Variants in SLIT1 observed in about 807,000 individuals in gnomAD.
SLIT1 encodes slit guidance ligand 1.
In SLIT1, 66 loss-of-function variants were observed where a neutral mutation model predicts 186.1. That is an observed-to-expected ratio of 0.35 (90% confidence interval 0.29 to 0.44). The LOEUF is 0.44. Ranked by LOEUF, SLIT1 falls within the 20% of genes least tolerant of loss-of-function variation. The pLI is 1.00. For synonymous variants in SLIT1, 761 were observed against 833.8 expected, an observed-to-expected ratio of 0.91 and a Z score of 1.50; for missense variants, 1,638 against 2,037.4, an observed-to-expected ratio of 0.80 and a Z score of 3.77.
intron 22 of SLIT1, among the ~76,000 whole-genome samples, chr10:97,037,347 C>T (rs1028484071): frequency 1.3e-5 from 2 of 151,868 alleles, no homozygotes; most frequent in Admixed American, 1.3e-4. Flanking sequence ...GTTATCCGTC[C>T]GCCTCAGCCT....
At chr10:97,065,906 A>G (rs2134641557) in intron 5 of SLIT1, 109 bp downstream of exon 5, 1 of 788,028 alleles carries the variant, frequency 1.3e-6, no homozygotes, top group Non-Finnish European at 2.2e-6. Flanking sequence ...AGCCCAGGTC[A>G]GCTCCCTGGC....
At chr10:97,111,458 T>C (rs1849463823) in intron 4 of SLIT1, among the ~76,000 whole-genome samples, 1 of 152,138 alleles carries the variant, frequency 6.6e-6, no homozygotes, top group Non-Finnish European at 1.5e-5. Flanking sequence ...ACTAAAGCTC[T>C]GATAGGTGAA....
Position 97,185,845 on chromosome 10 carries a change from C to T in SLIT1, c.-171G>A. 1 of 559,288 alleles carries T rather than the reference C, an allele frequency of 1.8e-6. No individual in the cohort carries two copies. Among genetic ancestry groups the T allele is most frequent in the East Asian group, 3.5e-5 (1 of 28,218 alleles). The allele number at this position is 559,288 out of a possible 1,614,324, so 34.6% of individuals were successfully genotyped here. A position where few individuals can be genotyped will look rare whatever the true frequency, so the allele number is the denominator to read the frequency against. ...ACCTTGCTCCTCCAAGCGACGGCGC[C>T]TGTGCGCGGACGGAGGGAGGGCGCC... On this transcript the variant is annotated 5_prime_UTR_variant, in exon 1 of 37. Transcript: ENST00000266058.
chr10:97,124,967 C>T (rs1370881279), intron 4 of SLIT1, among the ~76,000 whole-genome samples: 1 of 152,122 alleles, frequency 6.6e-6, no homozygotes, highest in Non-Finnish European at 1.5e-5. Context: ...GCCTTAAAAG[C>T]ATTAAAATGG....
At chr10:97,157,771 G>A (rs1415198066) in intron 4 of SLIT1, 47 bp downstream of exon 4, 1 of 1,450,422 alleles carries the variant, frequency 6.9e-7, no homozygotes, top group Non-Finnish European at 9.7e-7. Flanking sequence ...CACAGGGTGA[G>A]AGACAAAACC....
intron 4 of SLIT1, among the ~76,000 whole-genome samples, chr10:97,156,902 G>A (rs568147939): frequency 3.3e-5 from 5 of 152,252 alleles, no homozygotes; most frequent in Admixed American, 1.3e-4. Flanking sequence ...AGGCCCTGCC[G>A]GTGGCTCTTA....
At chr10:97,038,726 C>A (rs1404266321) in intron 21 of SLIT1, among the ~76,000 whole-genome samples, 1 of 152,120 alleles carries the variant, frequency 6.6e-6, no homozygotes, top group Non-Finnish European at 1.5e-5. Flanking sequence ...TCCCAAAGCC[C>A]CAGAGAGGAG....
At chr10:97,158,472 G>C (rs886790888) in intron 3 of SLIT1, among the ~76,000 whole-genome samples, 6 of 152,056 alleles carry the variant, frequency 3.9e-5, no homozygotes, top group Admixed American at 6.5e-5. Context: ...GGCCAGCCTG[G>C]CCAACATGGT....
At chr10:97,129,588 G>A (rs1206830417) in intron 4 of SLIT1, among the ~76,000 whole-genome samples, 1 of 152,176 alleles carries the variant, frequency 6.6e-6, no homozygotes, top group African/African-American at 2.4e-5. Flanking sequence ...CTGCAGAATG[G>A]CCTGAACCAG....
intron 1 of SLIT1, 83 bp downstream of exon 1, chr10:97,185,395 G>GCCCCCA (rs1850397887): frequency 7.2e-7 from 1 of 1,385,348 alleles, no homozygotes; most frequent in African/African-American, 1.5e-5. Flanking sequence ...CAATGGTCCT[G>GCCCCCA]CCCCCACCCC....
At chr10:97,135,649 G>A (rs1441714429) in intron 4 of SLIT1, among the ~76,000 whole-genome samples, 7 of 152,170 alleles carry the variant, frequency 4.6e-5, no homozygotes, top group Non-Finnish European at 1.0e-4. Flanking sequence ...CAGCTCAGGC[G>A]CTCCCCAGCC....
intron 31 of SLIT1, among the ~76,000 whole-genome samples, chr10:97,008,652 T>A (rs1479963721): frequency 1.3e-5 from 2 of 148,732 alleles, no homozygotes; most frequent in Non-Finnish European, 3.0e-5. Flanking sequence ...GCCAAGATTG[T>A]GACATTGCAC....
chr10:97,067,781 A>G (rs1340027205), intron 4 of SLIT1, among the ~76,000 whole-genome samples: 1 of 152,108 alleles, frequency 6.6e-6, no homozygotes, highest in Admixed American at 6.5e-5. Context: ...GTCCTGACAT[A>G]GGCCCCAGTG....
Position 97,140,023 on chromosome 10 carries a change from T to A in SLIT1, c.413+17795A>T, listed in dbSNP as rs1285149147. On this transcript the variant is annotated intron_variant, in intron 4 of 36. Coordinates refer to ENST00000266058, the MANE Select transcript of SLIT1 (RefSeq NM_003061.3). ...CCTGAAGCTCCCCTCTTCCTCTCTG[T>A]CTTTCCAGGGGCCTTGCAGGGTGAT... Among the ~76,000 whole-genome samples, 8 of 152,256 alleles carry A rather than the reference T, an allele frequency of 5.3e-5. No homozygotes were observed. In the East Asian group the frequency reaches 1.2e-3, roughly 22 times the overall value.
At chr10:97,054,195 G>A (rs1271499432) in intron 13 of SLIT1, among the ~76,000 whole-genome samples, 2 of 151,794 alleles carry the variant, frequency 1.3e-5, no homozygotes, top group Non-Finnish European at 2.9e-5. Flanking sequence ...CTGCCCTTGT[G>A]ATAATGAGTG....
At chr10:97,148,475 A>G (rs1192468845) in intron 4 of SLIT1, among the ~76,000 whole-genome samples, 1 of 18,362 alleles carries the variant, frequency 5.4e-5, no homozygotes, top group African/African-American at 1.5e-4. Flanking sequence ...TTTTTTGTAG[A>G]GCCTATGCTG....
chr10:97,002,137 G>A (rs369764889), intron 36 of SLIT1, 21 bp downstream of exon 36: 93 of 1,412,728 alleles, frequency 6.6e-5, no homozygotes, highest in Admixed American at 1.2e-4. Context: ...GGGAGGGCAC[G>A]TCAGGAGGGG....
At chr10:97,142,648 G>A (rs747754837) in intron 4 of SLIT1, among the ~76,000 whole-genome samples, 1 of 152,172 alleles carries the variant, frequency 6.6e-6, no homozygotes, top group Non-Finnish European at 1.5e-5. Context: ...AACCATGTTT[G>A]TCAAAGGACA....
intron 4 of SLIT1, among the ~76,000 whole-genome samples, chr10:97,111,825 C>T (rs931470647): frequency 5.3e-5 from 8 of 152,148 alleles, no homozygotes; most frequent in African/African-American, 1.9e-4. Context: ...CCCTGTTACT[C>T]ATCGTCTTCA....
Sources: allele counts gnomAD v4.1 joint callset (sites outside exome capture counted in the v4.1 genomes callset), GRCh38; gene constraint gnomAD v4.1.1; transcripts MANE v1.5; gene names NCBI Gene and HGNC (gene_info 2026-07-23, HGNC 2026-07-21).